The following ADGRB3 variants were observed in gnomAD, a reference collection of about 807,000 sequenced individuals.
ADGRB3 encodes adhesion G protein-coupled receptor B3, also known as brain-specific angiogenesis inhibitor 3.
A neutral mutation model predicts 193.4 loss-of-function variants in ADGRB3; 37 were observed. That is an observed-to-expected ratio of 0.19 (90% CI 0.15 to 0.25). ADGRB3 has a LOEUF of 0.25. ADGRB3 is among the 10% of genes least tolerant of loss of function. ADGRB3 has a pLI of 1.00. For missense variants in ADGRB3, 1,637 were observed against 1,852.9 expected, an observed-to-expected ratio of 0.88 and a Z score of 2.14; for synonymous variants, 690 against 644.2, an observed-to-expected ratio of 1.07 and a Z score of -1.08.
intron 3 of ADGRB3, among the ~76,000 whole-genome samples, chr6:68,677,940 T>G (rs1764796308): frequency 6.6e-6 from 1 of 152,196 alleles, no homozygotes; most frequent in East Asian, 1.9e-4. Flanking sequence ...CTTCATTTAC[T>G]TTATTCATGA....
At chr6:68,899,016 A>G (rs1766319852) in intron 3 of ADGRB3, among the ~76,000 whole-genome samples, 1 of 152,154 alleles carries the variant, frequency 6.6e-6, no homozygotes. Context: ...AAGAAAATCT[A>G]AAAACAGTAT....
rs199887856 is a variant in ADGRB3 at position 68,766,251 on chromosome 6, A to G, written c.757+126819A>G. 3.3e-5 allele frequency among the ~76,000 whole-genome samples: 5 copies of G among 151,916 alleles called. No individual in the cohort carries two copies. In the East Asian group the frequency reaches 7.7e-4, roughly 23 times the overall value. The stretch of plus-strand genomic sequence containing the variant: ...TTTCTTTTTTAGCTTATTTCATTGA[A>G]TGCTCAGATTATTTATTTTCAATGT... On this transcript the variant is annotated intron_variant, in intron 3 of 31. Coordinates refer to ENST00000370598, the MANE Select transcript of ADGRB3 (RefSeq NM_001704.3).
chr6:69,262,272 G>GT (rs1276818823), intron 20 of ADGRB3, among the ~76,000 whole-genome samples: 1 of 151,920 alleles, frequency 6.6e-6, no homozygotes. Context: ...ACTTTGTTTC[G>GT]TTTTTTTCTA....
intron 17 of ADGRB3, chr6:69,232,455 G>T: frequency 6.6e-7 from 1 of 1,512,194 alleles, no homozygotes; most frequent in Non-Finnish European, 8.8e-7. Context: ...ATTGAACCAG[G>T]CTCTCTTCCC....
intron 3 of ADGRB3, among the ~76,000 whole-genome samples, chr6:68,657,529 C>T (rs1219899249): frequency 1.3e-5 from 2 of 151,366 alleles, no homozygotes; most frequent in Non-Finnish European, 1.5e-5. Flanking sequence ...TCCTCCTCTG[C>T]AGGTGATAGG....
chr6:69,270,073 A>T (rs1039489309), intron 20 of ADGRB3, among the ~76,000 whole-genome samples: 6 of 151,864 alleles, frequency 4.0e-5, no homozygotes, highest in African/African-American at 1.5e-4. Flanking sequence ...CACTTTTTGG[A>T]GTTTGTGGGA....
At chr6:68,864,434 T>C (rs977637085) in intron 3 of ADGRB3, among the ~76,000 whole-genome samples, 1 of 152,190 alleles carries the variant, frequency 6.6e-6, no homozygotes, top group African/African-American at 2.4e-5. Context: ...AAGTGTGCCA[T>C]TTTCAGGCCA....
In ADGRB3 at chr6:69,361,657, G is replaced by A. The variant is rs548338457; in HGVS notation, c.4239+145G>A. ...ATTAGCTTTTGCAGTTTTGTATCAT[G>A]AAAATTTCTGGCTATTGAGATTCAG... is the stretch of plus-strand genomic sequence containing the variant. On this transcript the variant is annotated intron_variant, in intron 29 of 31. Transcript: ENST00000370598. 8.2e-4 allele frequency: 809 copies of A among 982,914 alleles called. 2 individuals are homozygous for A. The African/African-American group carries it at 0.012, about 15-fold the overall frequency. The allele number at this position is 982,914 out of a possible 1,614,324, so 60.9% of individuals were successfully genotyped here.
At chr6:69,376,653 CAT>C (rs1254510885) in intron 30 of ADGRB3, among the ~76,000 whole-genome samples, 4 of 151,964 alleles carry the variant, frequency 2.6e-5, no homozygotes, top group Non-Finnish European at 5.9e-5. Context: ...TAAATTGTGA[CAT>C]AGAAATCAAA....
chr6:68,935,635 A>G lies in ADGRB3; in HGVS notation c.869-884A>G, dbSNP rs569354763. Among the ~76,000 whole-genome samples, 8 of 152,288 alleles carry G rather than the reference A, an allele frequency of 5.3e-5. No homozygotes were observed. In the South Asian group the frequency reaches 6.2e-4, roughly 12 times the overall value. ...GGAGAAAACAACTGCAAATTTTCCAATCAATTTTTAAAATTCATCCTGAAC... is the reference window on the plus strand; with the variant it reads ...GGAGAAAACAACTGCAAATTTTCCAGTCAATTTTTAAAATTCATCCTGAAC... On this transcript the variant is annotated intron_variant, in intron 4 of 31. Coordinates refer to ENST00000370598, the MANE Select transcript of ADGRB3 (RefSeq NM_001704.3).
intron 17 of ADGRB3, among the ~76,000 whole-genome samples, chr6:69,180,416 G>A (rs1004932647): frequency 6.6e-6 from 1 of 152,212 alleles, no homozygotes; most frequent in Non-Finnish European, 1.5e-5. Flanking sequence ...AAAATGCCTA[G>A]AGAATCTGTC....
At chr6:69,284,693 T>G (rs1240098784) in intron 20 of ADGRB3, among the ~76,000 whole-genome samples, 1 of 152,176 alleles carries the variant, frequency 6.6e-6, no homozygotes, top group Admixed American at 6.6e-5. Flanking sequence ...AGTTGATTTA[T>G]TATGAATTTT....
intron 17 of ADGRB3, among the ~76,000 whole-genome samples, chr6:69,105,377 C>T (rs911448156): frequency 2.6e-5 from 4 of 152,136 alleles, no homozygotes; most frequent in African/African-American, 9.7e-5. Flanking sequence ...CTATTTTGCC[C>T]TCCTCCTGGG....
At chr6:68,774,789 G>A (rs974431757) in intron 3 of ADGRB3, among the ~76,000 whole-genome samples, 2 of 151,946 alleles carry the variant, frequency 1.3e-5, no homozygotes, top group Non-Finnish European at 2.9e-5. Context: ...TAATTTTCAT[G>A]TGAATGGAGT....
At chr6:68,816,506 T>G (rs1767633745) in intron 3 of ADGRB3, among the ~76,000 whole-genome samples, 1 of 152,030 alleles carries the variant, frequency 6.6e-6, no homozygotes, top group South Asian at 2.1e-4. Context: ...GGTAGTTTGA[T>G]TTACAAGTTC....
intron 3 of ADGRB3, among the ~76,000 whole-genome samples, chr6:68,760,446 G>C (rs1165324845): frequency 6.6e-6 from 1 of 152,176 alleles, no homozygotes; most frequent in Non-Finnish European, 1.5e-5. Flanking sequence ...CCTTATGAAA[G>C]TGAGATAAGT....
At chr6:68,989,818 T>C (rs369248701) in intron 10 of ADGRB3, among the ~76,000 whole-genome samples, 1 of 152,134 alleles carries the variant, frequency 6.6e-6, no homozygotes, top group Admixed American at 6.6e-5. Context: ...ACTTAAAAAG[T>C]TGTTGGGCTC....
chr6:69,235,434 G>A (rs775106012), intron 19 of ADGRB3, among the ~76,000 whole-genome samples: 59 of 152,014 alleles, frequency 3.9e-4, no homozygotes, highest in Non-Finnish European at 6.6e-4. Flanking sequence ...TACACCACAA[G>A]TTCAATCTAT....
chr6:68,802,902 C>T (rs145663498), intron 3 of ADGRB3, among the ~76,000 whole-genome samples: 1 of 152,250 alleles, frequency 6.6e-6, no homozygotes, highest in African/African-American at 2.4e-5. Context: ...ATTCTATTTA[C>T]AGAATGGATT....
Sources: allele counts gnomAD v4.1 joint callset (sites outside exome capture counted in the v4.1 genomes callset), GRCh38; gene constraint gnomAD v4.1.1; transcripts MANE v1.5; gene names NCBI Gene and HGNC (gene_info 2026-07-23, HGNC 2026-07-21).